The following FHIT variants were observed in gnomAD, a reference collection of about 807,000 sequenced individuals.
FHIT encodes fragile histidine triad diadenosine triphosphatase, also known as bis(5'-adenosyl)-triphosphatase.
FHIT carries 19 observed loss-of-function variants against 17.9 expected under a neutral mutation model. The observed-to-expected ratio is 1.06, with a 90% CI of 0.74 to 1.56. FHIT has a LOEUF of 1.56. FHIT is among the 40% of genes most tolerant of loss of function. The pLI is 0.00. For synonymous variants in FHIT, 81 were observed against 69.7 expected, an observed-to-expected ratio of 1.16 and a Z score of -0.81; for missense variants, 248 against 189.2, an observed-to-expected ratio of 1.31 and a Z score of -1.82.
chr3:60,410,953 G>A (rs1015019682), intron 5 of FHIT, among the ~76,000 whole-genome samples: 10 of 152,116 alleles, frequency 6.6e-5, no homozygotes, highest in African/African-American at 2.4e-4. Flanking sequence ...CTTTCTTCTT[G>A]ACCATTAATT....
intron 8 of FHIT, among the ~76,000 whole-genome samples, chr3:59,764,619 T>C (rs951934308): frequency 3.9e-5 from 6 of 152,170 alleles, no homozygotes; most frequent in African/African-American, 1.4e-4. Context: ...AATGCCTCTC[T>C]CTATTTCATT....
chr3:60,356,849 G>C (rs1490772200), intron 5 of FHIT, among the ~76,000 whole-genome samples: 1 of 149,200 alleles, frequency 6.7e-6, no homozygotes, highest in Non-Finnish European at 1.5e-5. Context: ...ACTTCTCTTA[G>C]GTCTTCTGCT....
chr3:59,828,099 T>G (rs1277367509), intron 8 of FHIT, among the ~76,000 whole-genome samples: 1 of 152,240 alleles, frequency 6.6e-6, no homozygotes, highest in African/African-American at 2.4e-5. Context: ...AATACAAATG[T>G]TCAATTCTGT....
chr3:60,737,291 T>C (rs1375417286), intron 4 of FHIT, among the ~76,000 whole-genome samples: 1 of 152,220 alleles, frequency 6.6e-6, no homozygotes, highest in African/African-American at 2.4e-5. Context: ...TTACAGAAAA[T>C]GCAGAATGTA....
chr3:60,020,842 G>A, intron 5 of FHIT, among the ~76,000 whole-genome samples: 1 of 152,172 alleles, frequency 6.6e-6, no homozygotes, highest in East Asian at 1.9e-4. Flanking sequence ...AAAGTAGGCG[G>A]CATCTCAAAA....
At chr3:61,216,121 A>G (rs2039666943) in intron 1 of FHIT, among the ~76,000 whole-genome samples, 2 of 152,210 alleles carry the variant, frequency 1.3e-5, no homozygotes, top group African/African-American at 4.8e-5. Context: ...AGCAATGGCA[A>G]CAAAAGCCAA....
chr3:60,964,795 G>T (rs9863189), intron 3 of FHIT, among the ~76,000 whole-genome samples: 2,566 of 152,322 alleles, frequency 0.017, 76 homozygotes, highest in African/African-American at 0.058. Flanking sequence ...TCTGCCAAGA[G>T]ATCTGTTGTT....
At chr3:59,854,303 A>G (rs1050608962) in intron 8 of FHIT, among the ~76,000 whole-genome samples, 1 of 152,204 alleles carries the variant, frequency 6.6e-6, no homozygotes, top group Non-Finnish European at 1.5e-5. Flanking sequence ...CCACAGATTT[A>G]TATCTGCCAC....
chr3:60,724,634 C>T (rs1471543294), intron 4 of FHIT, among the ~76,000 whole-genome samples: 1 of 148,696 alleles, frequency 6.7e-6, no homozygotes, highest in Admixed American at 6.7e-5. Flanking sequence ...CTAATAGTTA[C>T]TATTAACTGT....
chr3:60,363,310 C>G (rs1699977822), intron 5 of FHIT, among the ~76,000 whole-genome samples: 1 of 152,086 alleles, frequency 6.6e-6, no homozygotes, highest in African/African-American at 2.4e-5. Context: ...GAAAAATTAC[C>G]TATAATTTTG....
chr3:60,911,018 A>C (rs983522112), intron 3 of FHIT, among the ~76,000 whole-genome samples: 2 of 152,218 alleles, frequency 1.3e-5, no homozygotes, highest in African/African-American at 2.4e-5. Flanking sequence ...CATGGCTCGT[A>C]ACTTGCTGGC....
chr3:60,076,130 G>A (rs1702995644), intron 5 of FHIT, among the ~76,000 whole-genome samples: 1 of 152,032 alleles, frequency 6.6e-6, no homozygotes, highest in Non-Finnish European at 1.5e-5. Context: ...TATTAGGAAA[G>A]CCATTAAGAA....
intron 8 of FHIT, among the ~76,000 whole-genome samples, chr3:59,793,099 G>A (rs1262578668): frequency 2.0e-5 from 3 of 152,122 alleles, no homozygotes; most frequent in Non-Finnish European, 4.4e-5. Context: ...GCCTGGCAGA[G>A]AATAGGTGTT....
chr3:60,275,991 A>ATT (rs11457779), intron 5 of FHIT, among the ~76,000 whole-genome samples: 71,499 of 147,758 alleles, frequency 0.48, 18,173 homozygotes, highest in East Asian at 0.76. Context: ...TGTTTTTGCA[A>ATT]TTTTTTTTTT....
At chr3:60,229,893 G>A (rs1461943895) in intron 5 of FHIT, among the ~76,000 whole-genome samples, 1 of 152,068 alleles carries the variant, frequency 6.6e-6, no homozygotes, top group African/African-American at 2.4e-5. Context: ...GTGGCAGGAG[G>A]ACAGCTTGAG....
intron 8 of FHIT, among the ~76,000 whole-genome samples, chr3:59,891,740 G>A (rs1263039051): frequency 6.6e-6 from 1 of 152,032 alleles, no homozygotes; most frequent in African/African-American, 2.4e-5. Flanking sequence ...TAAAACATAT[G>A]GGTTCTTAAA....
At chr3:60,315,037 TAAG>T (rs1383468294) in intron 5 of FHIT, among the ~76,000 whole-genome samples, 1 of 152,142 alleles carries the variant, frequency 6.6e-6, no homozygotes, top group Non-Finnish European at 1.5e-5. Context: ...TGCTCTAAGA[TAAG>T]AAGTCTGCCA....
chr3:60,653,098 A>G (rs1485646110), intron 4 of FHIT, among the ~76,000 whole-genome samples: 1 of 152,170 alleles, frequency 6.6e-6, no homozygotes, highest in African/African-American at 2.4e-5. Context: ...TCTTTCACAC[A>G]CACCACAGAT....
intron 3 of FHIT, among the ~76,000 whole-genome samples, chr3:60,993,395 T>G (rs1050144680): frequency 1.3e-5 from 2 of 152,218 alleles, no homozygotes; most frequent in Non-Finnish European, 2.9e-5. Flanking sequence ...TATTGCACAC[T>G]TTACTGCATT....
Sources: allele counts gnomAD v4.1 joint callset (sites outside exome capture counted in the v4.1 genomes callset), GRCh38; gene constraint gnomAD v4.1.1; transcripts MANE v1.5; gene names NCBI Gene and HGNC (gene_info 2026-07-23, HGNC 2026-07-21).